Variants in NAV2 observed in about 807,000 individuals in gnomAD.
NAV2 encodes the protein neuron navigator 2, also known as helicase, APC down-regulated 1.
A neutral mutation model predicts 223.2 loss-of-function variants in NAV2; 54 were observed. The ratio of observed to expected loss-of-function variants is 0.24; its 90% confidence interval spans 0.19 to 0.30. The LOEUF is 0.30. NAV2 is among the 10% of genes least tolerant of loss of function. The pLI is 1.00. For synonymous variants in NAV2, 1,279 were observed against 1,239.3 expected, an observed-to-expected ratio of 1.03 and a Z score of -0.67; for missense variants, 2,806 against 3,147.5, an observed-to-expected ratio of 0.89 and a Z score of 2.60.
At chr11:19,443,692 C>T (rs940066078) in intron 1 of NAV2, among the ~76,000 whole-genome samples, 2 of 152,128 alleles carry the variant, frequency 1.3e-5, no homozygotes, top group Admixed American at 1.3e-4. Context: ...TCTACAAGAC[C>T]CAGACTAAGA....
chr11:19,374,309 GTTTTTTT>G (rs10533713), intron 1 of NAV2, among the ~76,000 whole-genome samples: 3 of 124,594 alleles, frequency 2.4e-5, no homozygotes, highest in African/African-American at 3.2e-5. Flanking sequence ...TTCCGAAAAG[GTTTTTTT>G]TTTTTTTTTT....
At chr11:19,372,236 G>A (rs1226592481) in intron 1 of NAV2, among the ~76,000 whole-genome samples, 1 of 152,182 alleles carries the variant, frequency 6.6e-6, no homozygotes, top group Non-Finnish European at 1.5e-5. Flanking sequence ...TTGTAGAAGA[G>A]GGGTGTCATC....
In NAV2 at chr11:19,909,606, G is replaced by A. The variant is rs149473158; in HGVS notation, c.931+17012G>A. Among the ~76,000 whole-genome samples, 409 of 152,298 alleles carry A rather than the reference G, an allele frequency of 2.7e-3. 15 individuals carry two copies. The South Asian group carries it at 0.06, about 22-fold the overall frequency. ...TGGGAGTAGGAGGAGATTCCTGGCTGTAAAACATCTCATGGTTTTCTGTGG... is the reference window on the plus strand; with the variant it reads ...TGGGAGTAGGAGGAGATTCCTGGCTATAAAACATCTCATGGTTTTCTGTGG... On this transcript the variant is annotated intron_variant, in intron 6 of 37. Coordinates refer to ENST00000349880, the MANE Select transcript of NAV2 (RefSeq NM_145117.5).
chr11:20,020,048 A>G (rs898172852), intron 11 of NAV2, among the ~76,000 whole-genome samples: 1 of 152,100 alleles, frequency 6.6e-6, no homozygotes, highest in African/African-American at 2.4e-5. Flanking sequence ...TATATTTTTC[A>G]GCCTGCAGGG....
At chr11:19,640,111 A>G (rs2047622802) in intron 1 of NAV2, among the ~76,000 whole-genome samples, 1 of 152,234 alleles carries the variant, frequency 6.6e-6, no homozygotes, top group African/African-American at 2.4e-5. Flanking sequence ...GCTTTAAAAC[A>G]TCTATATGTT....
chr11:19,480,976 A>T (rs2042259862), intron 1 of NAV2, among the ~76,000 whole-genome samples: 1 of 152,098 alleles, frequency 6.6e-6, no homozygotes, highest in Non-Finnish European at 1.5e-5. Context: ...GAATAGAGGG[A>T]TGATGTTGTG....
chr11:19,640,887 A>G (rs1350244275), intron 1 of NAV2, among the ~76,000 whole-genome samples: 4 of 152,188 alleles, frequency 2.6e-5, no homozygotes, highest in Middle Eastern at 3.2e-3. Flanking sequence ...GGCCTGAGCA[A>G]CTGCAGACAC....
At chr11:20,046,039 A>G (rs1321735215) in intron 14 of NAV2, among the ~76,000 whole-genome samples, 1 of 152,216 alleles carries the variant, frequency 6.6e-6, no homozygotes, top group East Asian at 1.9e-4. Flanking sequence ...TATGCACTCA[A>G]TAGAAGTTAG....
At chr11:19,629,758 GT>G (rs2047292538) in intron 1 of NAV2, among the ~76,000 whole-genome samples, 1 of 152,124 alleles carries the variant, frequency 6.6e-6, no homozygotes, top group African/African-American at 2.4e-5. Flanking sequence ...ATGGGCCTCA[GT>G]TTTGAAGGGC....
At chr11:19,587,106 G>T (rs975339184) in intron 1 of NAV2, among the ~76,000 whole-genome samples, 4 of 152,180 alleles carry the variant, frequency 2.6e-5, no homozygotes, top group East Asian at 1.9e-4. Context: ...CCTTGCTGCC[G>T]CCTTGCAGTT....
chr11:19,352,976 C>G (rs1853409864), intron 1 of NAV2, among the ~76,000 whole-genome samples: 1 of 152,162 alleles, frequency 6.6e-6, no homozygotes, highest in Non-Finnish European at 1.5e-5. Flanking sequence ...ACAAGCCTCT[C>G]AGCGTGCAGC....
intron 1 of NAV2, among the ~76,000 whole-genome samples, chr11:19,719,897 CT>C (rs2050621990): frequency 1.3e-5 from 2 of 152,340 alleles, no homozygotes; most frequent in South Asian, 4.1e-4. Flanking sequence ...TTGTGGGAAG[CT>C]TCCTTTGTAC....
chr11:19,575,542 C>A (rs1415805913), intron 1 of NAV2, among the ~76,000 whole-genome samples: 1 of 152,184 alleles, frequency 6.6e-6, no homozygotes, highest in Non-Finnish European at 1.5e-5. Context: ...TCTCTGTACC[C>A]GCAGGAGAAG....
chr11:19,392,118 A>G (rs934288321), intron 1 of NAV2, among the ~76,000 whole-genome samples: 4 of 152,216 alleles, frequency 2.6e-5, no homozygotes, highest in Non-Finnish European at 5.9e-5. Context: ...ATGATGGAGA[A>G]TCAGACTTGA....
chr11:19,914,132 T>G (rs887960695), intron 6 of NAV2, among the ~76,000 whole-genome samples: 2 of 152,248 alleles, frequency 1.3e-5, no homozygotes, highest in African/African-American at 4.8e-5. Context: ...TGGCAAACAC[T>G]ATGAATGAGA....
chr11:19,461,861 A>G (rs1364513397), intron 1 of NAV2, among the ~76,000 whole-genome samples: 2 of 152,228 alleles, frequency 1.3e-5, no homozygotes, highest in Admixed American at 6.5e-5. Flanking sequence ...GCTGGAGTGC[A>G]GTGGCGCGAT....
At chr11:19,550,702 C>T (rs1313059517) in intron 1 of NAV2, among the ~76,000 whole-genome samples, 3 of 152,208 alleles carry the variant, frequency 2.0e-5, no homozygotes, top group African/African-American at 7.2e-5. Flanking sequence ...ATTGCCCACT[C>T]CCCTTGAGGT....
intron 1 of NAV2, among the ~76,000 whole-genome samples, chr11:19,605,605 G>A (rs2046456280): frequency 1.3e-5 from 2 of 151,970 alleles, no homozygotes; most frequent in Admixed American, 6.6e-5. Flanking sequence ...GTGCAAGGGA[G>A]CATGTGAGGA....
rs16937251 is a variant in NAV2, at chr11:19,933,648, G to T, written c.1404G>T (p.Gln468His). 1 of 1,614,142 alleles carries T rather than the reference G, an allele frequency of 6.2e-7. No homozygotes were observed. The highest frequency in any genetic ancestry group is 1.7e-5 in the Admixed American group (1 of 60,014). ...SPKIALKGIA[Q>H]RTFSRALTNK... is the part of the protein sequence containing the mutation. ...AGATTGCACTCAAGGGCATTGCCCA[G>T]AGGACTTTTAGCCGGGCACTGACCA... is the stretch of plus-strand genomic sequence containing the variant. The change falls in exon 7 of 38, where the codon CAG (glutamine) becomes CAT (histidine). Residue 468 changes from glutamine (Q) to histidine (H), a missense_variant. This residue lies in a region of NAV2 where 1,167 missense variants were observed against 1,180.5 expected (regional missense o/e 0.99). Transcript: ENST00000349880. The surrounding 1 kb of genome is among the most constrained non-coding windows in gnomAD (Gnocchi z 4.3).
Sources: allele counts gnomAD v4.1 joint callset (sites outside exome capture counted in the v4.1 genomes callset), GRCh38; gene constraint gnomAD v4.1.1; regional missense constraint gnomAD v4.1.1; non-coding constraint Gnocchi (gnomAD v3.1); transcripts MANE v1.5; gene names NCBI Gene and HGNC (gene_info 2026-07-23, HGNC 2026-07-21).